MAF: variants seen among roughly 807,000 people sequenced by gnomAD.
MAF encodes the protein MAF bZIP transcription factor.
Under a neutral mutation model 22.0 loss-of-function variants are expected in MAF, and 10 were observed. The observed-to-expected ratio is 0.45, with a 90% CI of 0.28 to 0.77. The LOEUF (loss-of-function observed/expected upper bound fraction) is 0.77. Among genes scored for constraint, MAF ranks in the 30% least tolerant of loss-of-function variants. The probability of loss-of-function intolerance (pLI) is 0.12; values close to 1 mark genes in which losing one functional copy is unlikely to be tolerated. For synonymous variants in MAF, 337 were observed against 255.8 expected (o/e 1.32, Z -3.03); for missense variants, 544 against 548.4 (o/e 0.99, Z 0.08).
the MAF span, among the ~76,000 whole-genome samples, chr16:79,497,745 T>C: frequency 2.0e-5 from 3 of 152,166 alleles, no homozygotes; most frequent in Non-Finnish European, 4.4e-5. Context: ...GCTGAGTGGA[T>C]TAATGAAGTA....
the MAF span, among the ~76,000 whole-genome samples, chr16:79,448,032 T>C: frequency 2.0e-5 from 3 of 152,150 alleles, no homozygotes; most frequent in African/African-American, 7.2e-5. Flanking sequence ...CTTCCTGAGA[T>C]GGAATCAACT....
downstream of MAF, among the ~76,000 whole-genome samples, chr16:79,583,130 G>C (rs1215408364): frequency 2.0e-5 from 3 of 152,274 alleles, no homozygotes; most frequent in East Asian, 5.8e-4. Flanking sequence ...CTCAGCATCA[G>C]GAAACCACAT....
At chr16:79,213,970 C>G in the MAF span, among the ~76,000 whole-genome samples, 2 of 152,164 alleles carry the variant, frequency 1.3e-5, no homozygotes, top group Non-Finnish European at 2.9e-5. Context: ...CCACTAGAAG[C>G]CACTCTAGTC....
the MAF span, among the ~76,000 whole-genome samples, chr16:79,480,454 G>C: frequency 6.6e-6 from 1 of 151,964 alleles, no homozygotes; most frequent in Non-Finnish European, 1.5e-5. Context: ...GGGCAAAGAA[G>C]GGAGACGAGT....
downstream of MAF, among the ~76,000 whole-genome samples, chr16:79,589,112 G>T (rs572724234): frequency 6.6e-6 from 1 of 152,192 alleles, no homozygotes; most frequent in East Asian, 1.9e-4. Flanking sequence ...TTTTTTTAAG[G>T]TGTAACGATA....
At chr16:79,321,364 G>A in the MAF span, among the ~76,000 whole-genome samples, 1 of 152,220 alleles carries the variant, frequency 6.6e-6, no homozygotes, top group Non-Finnish European at 1.5e-5. Context: ...TTGAATTTCA[G>A]ATAAACAGCA....
the MAF span, among the ~76,000 whole-genome samples, chr16:79,242,639 G>A: frequency 6.6e-6 from 1 of 151,956 alleles, no homozygotes; most frequent in Non-Finnish European, 1.5e-5. Flanking sequence ...ATATGAGACA[G>A]ATCAATGAGA....
the MAF span, among the ~76,000 whole-genome samples, chr16:79,307,386 C>T: frequency 6.6e-6 from 1 of 152,222 alleles, no homozygotes; most frequent in Admixed American, 6.5e-5. Flanking sequence ...GCCCGGGTCC[C>T]TGGGCATGAG....
chr16:79,526,163 C>T, the MAF span, among the ~76,000 whole-genome samples: 34 of 152,240 alleles, frequency 2.2e-4, no homozygotes, highest in African/African-American at 7.7e-4. Flanking sequence ...GGCGTTAGAC[C>T]AGCAGTCCCC....
At chr16:79,564,261 C>T in the MAF span, among the ~76,000 whole-genome samples, 1 of 152,150 alleles carries the variant, frequency 6.6e-6, no homozygotes, top group African/African-American at 2.4e-5. Context: ...TTTCTTGGTC[C>T]TAGGAAGTGT....
chr16:79,491,178 T>G, the MAF span, among the ~76,000 whole-genome samples: 1 of 152,166 alleles, frequency 6.6e-6, no homozygotes, highest in African/African-American at 2.4e-5. Flanking sequence ...CTATGTGCTT[T>G]CAGGGCAGGC....
At position 79,598,604 on chromosome 16, in the gene MAF, G is replaced by T. The variant is rs1453692204; in HGVS notation, c.1118+181C>A. ...GGGGTGTGTGTGTGTGTGTGTGTGT[G>T]TGTGTGGTGTGTGCGTGCGGGTTTG... On this transcript the variant is annotated intron_variant, in intron 1 of 1. Transcript: ENST00000326043. 17 of 1,495,020 alleles carry T rather than the reference G, an allele frequency of 1.1e-5. No homozygotes were observed. In the South Asian group the frequency reaches 1.2e-4, roughly 10 times the overall value. 92.6% of individuals were successfully genotyped at this position (1,495,020 alleles called of 1,614,324 possible). A position where few individuals can be genotyped will look rare whatever the true frequency, so the allele number is the denominator to read the frequency against.
At chr16:79,506,848 G>C in the MAF span, among the ~76,000 whole-genome samples, 9 of 152,248 alleles carry the variant, frequency 5.9e-5, no homozygotes, top group African/African-American at 2.2e-4. Flanking sequence ...AGCCCCAAAG[G>C]CTATGATAAG....
chr16:79,547,920 TAGAG>T, the MAF span, among the ~76,000 whole-genome samples: 31 of 120,972 alleles, frequency 2.6e-4, 1 homozygote, highest in East Asian at 9.7e-4. Context: ...GAGAGAGAGA[TAGAG>T]AGAGAGAGAG....
chr16:79,478,128 C>A, the MAF span, among the ~76,000 whole-genome samples: 1 of 152,210 alleles, frequency 6.6e-6, no homozygotes, highest in African/African-American at 2.4e-5. Context: ...CTCCAGACTA[C>A]TGAGTAGTGA....
chr16:79,496,945 T>G, the MAF span, among the ~76,000 whole-genome samples: 1 of 152,210 alleles, frequency 6.6e-6, no homozygotes, highest in African/African-American at 2.4e-5. Flanking sequence ...CCTGAGAATA[T>G]TGGTTGATGT....
At chr16:79,204,821 C>G in the MAF span, 2 of 152,204 alleles carry the variant, frequency 1.3e-5, no homozygotes, top group Non-Finnish European at 2.9e-5. Flanking sequence ...AGAATTCTTT[C>G]CAGCTTTCCA....
At chr16:79,503,657 G>C in the MAF span, among the ~76,000 whole-genome samples, 3 of 152,102 alleles carry the variant, frequency 2.0e-5, no homozygotes, top group Non-Finnish European at 4.4e-5. Context: ...GAACTGCTTT[G>C]TTTAGTTTTC....
At chr16:79,513,436 C>T in the MAF span, among the ~76,000 whole-genome samples, 50 of 152,226 alleles carry the variant, frequency 3.3e-4, no homozygotes, top group African/African-American at 9.9e-4. Context: ...AGATAATAGA[C>T]GTGCTAACTT....
Sources: allele counts gnomAD v4.1 joint callset (sites outside exome capture counted in the v4.1 genomes callset), GRCh38; gene constraint gnomAD v4.1.1; transcripts MANE v1.5; gene names NCBI Gene and HGNC (gene_info 2026-07-23, HGNC 2026-07-21).